NETO1: variants seen among roughly 807,000 people sequenced by gnomAD.
NETO1 encodes the protein neuropilin and tolloid like 1.
Under a neutral mutation model 61.3 loss-of-function variants are expected in NETO1, and 26 were observed. The ratio of observed to expected loss-of-function variants is 0.42; its 90% confidence interval spans 0.31 to 0.59. The LOEUF (loss-of-function observed/expected upper bound fraction) is 0.59, where lower values mean the gene tolerates loss of function less well. Among genes scored for constraint, NETO1 ranks in the 20% least tolerant of loss-of-function variants. The pLI is 0.12. For synonymous variants in NETO1, 225 were observed against 225.8 expected, an observed-to-expected ratio of 1.00 and a Z score of 0.03; for missense variants, 531 against 662.8, an observed-to-expected ratio of 0.80 and a Z score of 2.18.
chr18:72,814,179 A>G (rs2072955968), intron 4 of NETO1, among the ~76,000 whole-genome samples: 1 of 152,162 alleles, frequency 6.6e-6, no homozygotes, highest in African/African-American at 2.4e-5. Flanking sequence ...AAAAAGGAAT[A>G]AAGAATAAGA....
At chr18:72,829,664 T>C (rs988124492) in intron 4 of NETO1, among the ~76,000 whole-genome samples, 2 of 152,174 alleles carry the variant, frequency 1.3e-5, no homozygotes, top group Non-Finnish European at 1.5e-5. Context: ...AGCTGCTCCT[T>C]TGCCAAAAGA....
intron 4 of NETO1, among the ~76,000 whole-genome samples, chr18:72,836,010 G>A (rs982664208): frequency 3.3e-5 from 5 of 152,184 alleles, no homozygotes; most frequent in Non-Finnish European, 5.9e-5. Flanking sequence ...CGTAGGAAGA[G>A]GGAAGGGGTA....
intron 4 of NETO1, among the ~76,000 whole-genome samples, chr18:72,846,575 T>C (rs76514579): frequency 0.015 from 1,154 of 78,122 alleles, 13 homozygotes; most frequent in African/African-American, 0.052. Flanking sequence ...AAAGAAAGAA[T>C]AAAATGGACA....
intron 4 of NETO1, among the ~76,000 whole-genome samples, chr18:72,819,809 A>C (rs572291446): frequency 1.3e-5 from 2 of 152,272 alleles, no homozygotes; most frequent in Non-Finnish European, 2.9e-5. Context: ...AAGTGAAAAA[A>C]TATATACTTT....
intron 8 of NETO1, among the ~76,000 whole-genome samples, chr18:72,751,260 C>T (rs2070606808): frequency 6.6e-6 from 1 of 152,118 alleles, no homozygotes; most frequent in Non-Finnish European, 1.5e-5. Context: ...GGAAATTGTC[C>T]TAATGATGTA....
rs148640421 is a variant in NETO1 at position 72,834,049 on chromosome 18, C to T, written c.469+24777G>A. 252 of 868,928 alleles carry T rather than the reference C, an allele frequency of 2.9e-4. 1 individual carries two copies. The East Asian group carries it at 0.025, about 85-fold the overall frequency. 53.8% of individuals were successfully genotyped at this position (868,928 alleles called of 1,614,324 possible). On this transcript the variant is annotated intron_variant, in intron 4 of 10. Transcript: ENST00000327305. ...ACAGATATATTTTCATTTAGATACT[C>T]GTTTTATTATTTAAAGAAAGGCTTA...
rs1292005734 is a variant in NETO1, at chr18:72,787,866, A to G, written c.640-3960T>C. Among the ~76,000 whole-genome samples the G allele has an allele frequency of 5.3e-5, 8 of 152,182 alleles. No homozygotes were observed. In the East Asian group the frequency reaches 1.3e-3, roughly 26 times the overall value. ...GAAAGAAAGTTATATTCTTAAAGAAAACAATCAAAAACAAAATGAGTAATC... is the reference window on the plus strand; with the variant it reads ...GAAAGAAAGTTATATTCTTAAAGAAGACAATCAAAAACAAAATGAGTAATC... On this transcript the variant is annotated intron_variant, in intron 6 of 10. Transcript: ENST00000327305.
rs1327013143 is a variant in NETO1 at position 72,750,261 on chromosome 18, T to A, written c.1342A>T (p.Ser448Cys). The A allele has an allele frequency of 6.2e-7, 1 of 1,614,112 alleles. No individual in the cohort carries two copies. Among genetic ancestry groups the A allele is most frequent in the South Asian group, 1.1e-5 (1 of 91,086 alleles). The change falls in exon 9 of 11, where the codon AGC (serine) becomes TGC (cysteine). Residue 448 changes from serine (S) to cysteine (C), a missense_variant. By Grantham distance (112) the Ser-to-Cys change is moderately radical. Transcript: ENST00000327305. Reference sequence around the variant, plus strand: ...GTCAAGATAGAAGCATCTCTTGTGCTGAGGTTACTGCGGCTGCCTTTAGTG... The same window carrying A: ...GTCAAGATAGAAGCATCTCTTGTGCAGAGGTTACTGCGGCTGCCTTTAGTG... ...SSTKGSRSNL[S>C]TRDASILTEM...
At chr18:72,817,163 C>G (rs1301121316) in intron 4 of NETO1, among the ~76,000 whole-genome samples, 1 of 152,226 alleles carries the variant, frequency 6.6e-6, no homozygotes, top group African/African-American at 2.4e-5. Context: ...AATGGAGCAA[C>G]ATGCTGAGCC....
intron 4 of NETO1, among the ~76,000 whole-genome samples, chr18:72,848,074 T>C (rs572277763): frequency 6.6e-6 from 1 of 152,166 alleles, no homozygotes; most frequent in Non-Finnish European, 1.5e-5. Flanking sequence ...TACTTCCCTG[T>C]TCCATATTGA....
intron 4 of NETO1, among the ~76,000 whole-genome samples, chr18:72,851,667 C>A (rs1417894015): frequency 6.6e-6 from 1 of 152,124 alleles, no homozygotes; most frequent in Non-Finnish European, 1.5e-5. Flanking sequence ...AAAAACCATC[C>A]TTTCTTTGGA....
intron 7 of NETO1, among the ~76,000 whole-genome samples, chr18:72,770,277 A>C (rs984557590): frequency 6.6e-6 from 1 of 152,062 alleles, no homozygotes; most frequent in African/African-American, 2.4e-5. Context: ...ATTTTTTATA[A>C]GATACAAATA....
At chr18:72,769,607 G>A (rs751419426) in intron 7 of NETO1, among the ~76,000 whole-genome samples, 11 of 151,978 alleles carry the variant, frequency 7.2e-5, no homozygotes, top group Non-Finnish European at 1.3e-4. Flanking sequence ...GAAAATACAG[G>A]CAAAAATATC....
intron 4 of NETO1, among the ~76,000 whole-genome samples, chr18:72,799,658 A>G (rs1822978244): frequency 6.6e-6 from 1 of 152,252 alleles, no homozygotes; most frequent in Admixed American, 6.5e-5. Context: ...AAAACTATCA[A>G]CCACATTAAA....
intron 4 of NETO1, among the ~76,000 whole-genome samples, chr18:72,842,898 A>G (rs1280081152): frequency 6.6e-6 from 1 of 152,252 alleles, no homozygotes. Context: ...AATACTTGGC[A>G]TATAATAAGA....
intron 4 of NETO1, among the ~76,000 whole-genome samples, chr18:72,845,166 C>T (rs917734672): frequency 6.6e-6 from 1 of 152,162 alleles, no homozygotes; most frequent in African/African-American, 2.4e-5. Flanking sequence ...AATGATGAAG[C>T]AGAGGTTTCA....
chr18:72,768,569 G>A (rs1260190447), intron 7 of NETO1, among the ~76,000 whole-genome samples: 1 of 152,194 alleles, frequency 6.6e-6, no homozygotes, highest in African/African-American at 2.4e-5. Flanking sequence ...GATTTCGCAG[G>A]TGTGAATAAA....
intron 8 of NETO1, among the ~76,000 whole-genome samples, chr18:72,755,154 A>G (rs2070744505): frequency 6.6e-6 from 1 of 152,252 alleles, no homozygotes; most frequent in Non-Finnish European, 1.5e-5. Flanking sequence ...AGTGGTGACC[A>G]CGAATTATTA....
At chr18:72,848,923 C>T (rs1179382266) in intron 4 of NETO1, among the ~76,000 whole-genome samples, 1 of 152,194 alleles carries the variant, frequency 6.6e-6, no homozygotes, top group African/African-American at 2.4e-5. Flanking sequence ...CTGTGTATGT[C>T]CTCAGATTCA....
Sources: allele counts gnomAD v4.1 joint callset (sites outside exome capture counted in the v4.1 genomes callset), GRCh38; gene constraint gnomAD v4.1.1; transcripts MANE v1.5; gene names NCBI Gene and HGNC (gene_info 2026-07-23, HGNC 2026-07-21).